PPFIBP2: variants seen among roughly 807,000 people sequenced by gnomAD.
PPFIBP2 encodes liprin-beta-2.
PPFIBP2 carries 118 observed loss-of-function variants against 118.3 expected under a neutral mutation model. The observed-to-expected ratio is 1.00, with a 90% CI of 0.86 to 1.16. The LOEUF is 1.16. Ranked by LOEUF, PPFIBP2 falls within the 50% of genes most tolerant of loss-of-function variation. The pLI is 0.00. For synonymous variants in PPFIBP2, 414 were observed against 397.4 expected (o/e 1.04, Z -0.50); for missense variants, 1,195 against 1,073.1 (o/e 1.11, Z -1.59).
intron 9 of PPFIBP2, among the ~76,000 whole-genome samples, chr11:7,628,965 C>A (rs910338032): frequency 6.6e-6 from 1 of 152,198 alleles, no homozygotes; most frequent in African/African-American, 2.4e-5. Context: ...TTGTCTATGA[C>A]CTGTGTGGTC....
chr11:7,653,139 T>C lies in PPFIBP2; in HGVS notation c.2552T>C (p.Val851Ala). 6 of 1,614,194 alleles carry C rather than the reference T, an allele frequency of 3.7e-6. No homozygotes were observed. Among genetic ancestry groups the C allele is most frequent in the Non-Finnish European group, 4.2e-6 (5 of 1,180,028 alleles). ...PSDGVSDSHR[V>A]YSGYRGLSPL... ...GACGGTGTCAGTGATAGTCACAGGG[T>C]CTACAGTGGCTACCGGGGCCTCAGC... is the stretch of plus-strand genomic sequence containing the variant. The change falls in exon 24 of 24, where the codon GTC (valine) becomes GCC (alanine). Residue 851 changes from valine to alanine, a missense_variant. Val to Ala is a moderately conservative substitution (Grantham distance 64). Coordinates refer to ENST00000299492, the MANE Select transcript of PPFIBP2 (RefSeq NM_003621.5).
At chr11:7,578,200 G>A (rs999434380) in intron 3 of PPFIBP2, among the ~76,000 whole-genome samples, 2 of 152,234 alleles carry the variant, frequency 1.3e-5, no homozygotes, top group South Asian at 2.1e-4. Flanking sequence ...AAACCTGAGT[G>A]TGTGGTATGA....
At chr11:7,568,102 C>A (rs1855216335) in intron 3 of PPFIBP2, among the ~76,000 whole-genome samples, 1 of 152,204 alleles carries the variant, frequency 6.6e-6, no homozygotes, top group South Asian at 2.1e-4. Flanking sequence ...TGGCATTGTT[C>A]ACACCTAGAA....
Position 7,529,219 on chromosome 11 carries a change from A to G in PPFIBP2, c.-37+15098A>G, listed in dbSNP as rs568805972. Among the ~76,000 whole-genome samples, 4 of 152,316 alleles carry G rather than the reference A, an allele frequency of 2.6e-5. No individual in the cohort carries two copies. The East Asian group carries it at 7.7e-4, about 29-fold the overall frequency. On this transcript the variant is annotated intron_variant, in intron 1 of 23. Transcript: ENST00000299492. ...ATAAGGTACACTGTGAGAACCCGTT[A>G]AAGGCTCTTCCAGGGTCACAAATCC... is the stretch of plus-strand genomic sequence containing the variant.
chr11:7,520,825 A>G (rs948593625), intron 1 of PPFIBP2, among the ~76,000 whole-genome samples: 4 of 152,248 alleles, frequency 2.6e-5, no homozygotes, highest in African/African-American at 7.2e-5. Flanking sequence ...TTTGGTTCCA[A>G]TGCTTGATGG....
At chr11:7,645,026 CAAAAAAAAAAAA>C (rs57087700) in intron 17 of PPFIBP2, among the ~76,000 whole-genome samples, 28 of 81,824 alleles carry the variant, frequency 3.4e-4, no homozygotes, top group East Asian at 2.4e-3. Flanking sequence ...GACTCCGTCT[CAAAAAAAAAAAA>C]AAAAAAAAAA....
chr11:7,535,369 C>T (rs968068819), intron 1 of PPFIBP2, among the ~76,000 whole-genome samples: 4 of 152,160 alleles, frequency 2.6e-5, no homozygotes, highest in South Asian at 4.1e-4. Flanking sequence ...TGCTCTCTTG[C>T]GGCTGGGGTA....
Position 7,653,416 on chromosome 11 carries a change from G to A in PPFIBP2, c.*198G>A, listed in dbSNP as rs1854357947. 2.7e-6 allele frequency: 4 copies of A among 1,496,080 alleles called. No homozygotes were observed. The South Asian group carries it at 3.9e-5, about 15-fold the overall frequency. The allele number at this position is 1,496,080 out of a possible 1,614,324, so 92.7% of individuals were successfully genotyped here. A position where few individuals can be genotyped will look rare whatever the true frequency, so the allele number is the denominator to read the frequency against. On this transcript the variant is annotated 3_prime_UTR_variant, in exon 24 of 24. Transcript: ENST00000299492. ...CTGCATCTCTAAGGGGCCAGGCTTT[G>A]GGGACCATTGCCAAAGGTGGACTCA... is the stretch of plus-strand genomic sequence containing the variant.
chr11:7,585,239 A>T (rs1419370753), intron 3 of PPFIBP2, among the ~76,000 whole-genome samples: 1 of 152,244 alleles, frequency 6.6e-6, no homozygotes, highest in Non-Finnish European at 1.5e-5. Flanking sequence ...AACTATTGAT[A>T]TCAAAAAAAG....
Position 7,616,480 on chromosome 11 carries a change from T to A in PPFIBP2, c.619-4455T>A, listed in dbSNP as rs1440924512. Among the ~76,000 whole-genome samples, 1 of 152,226 alleles carries A rather than the reference T, an allele frequency of 6.6e-6. No homozygotes were observed. On this transcript the variant is annotated intron_variant, in intron 6 of 23. Coordinates refer to ENST00000299492, the MANE Select transcript of PPFIBP2 (RefSeq NM_003621.5). This position sits in a 1 kb window ranked among gnomAD's most constrained non-coding sequence, Gnocchi z 5.2. The stretch of plus-strand genomic sequence containing the variant: ...GGAGTGAGTCTCGTCAGATTGGCCT[T>A]ATCGGTTTGGCCGGGAATGTGTCGT...
At chr11:7,666,396 A>G in the PPFIBP2 span, 8 of 1,136,868 alleles carry the variant, frequency 7.0e-6, no homozygotes, top group Non-Finnish European at 9.3e-6. Context: ...CCAGTCCTCA[A>G]AGTGGTCAAG....
chr11:7,545,474 A>G (rs1351294377), intron 1 of PPFIBP2, among the ~76,000 whole-genome samples: 2 of 152,158 alleles, frequency 1.3e-5, no homozygotes, highest in African/African-American at 4.8e-5. Context: ...ACATTCACAT[A>G]ATGTTTTTAC....
At chr11:7,608,328 A>G (rs1006002064) in intron 5 of PPFIBP2, among the ~76,000 whole-genome samples, 1 of 152,174 alleles carries the variant, frequency 6.6e-6, no homozygotes, top group African/African-American at 2.4e-5. Context: ...TCTGGAGTCA[A>G]ACAGACTTTT....
chr11:7,527,899 A>G (rs1210338544), intron 1 of PPFIBP2, among the ~76,000 whole-genome samples: 2 of 152,224 alleles, frequency 1.3e-5, no homozygotes, highest in Non-Finnish European at 2.9e-5. Flanking sequence ...ATTACCGTCT[A>G]TGAAGTACCC....
chr11:7,617,448 G>A (rs1176922337), intron 6 of PPFIBP2, among the ~76,000 whole-genome samples: 1 of 152,136 alleles, frequency 6.6e-6, no homozygotes, highest in Non-Finnish European at 1.5e-5. Flanking sequence ...CAATCCTCTT[G>A]GGATGTGAGG....
chr11:7,606,140 C>CG (rs1221331490), intron 5 of PPFIBP2: 6 of 1,143,690 alleles, frequency 5.2e-6, no homozygotes, highest in African/African-American at 4.8e-5. Context: ...TGCAGATGGT[C>CG]GGGGGGCAAA....
chr11:7,629,147 A>G (rs1850418991), intron 9 of PPFIBP2, among the ~76,000 whole-genome samples: 1 of 152,234 alleles, frequency 6.6e-6, no homozygotes, highest in Admixed American at 6.5e-5. Flanking sequence ...CACTAGGACC[A>G]GAAGGCAGAT....
chr11:7,642,364 TG>T lies in PPFIBP2; in HGVS notation c.1587del (p.Leu530SerfsTer47). The T allele has an allele frequency of 6.2e-7, 1 of 1,614,112 alleles. No individual in the cohort carries two copies. Among genetic ancestry groups the T allele is most frequent in the Non-Finnish European group, 8.5e-7 (1 of 1,180,008 alleles). ...TGGGGATGGCAGAGTTTCGACGAGGTGGGCTCCGGGCAACCGCAGGGCCAAG... is the reference window on the plus strand; with the variant it reads ...TGGGGATGGCAGAGTTTCGACGAGGTGGCTCCGGGCAACCGCAGGGCCAAG... ...TLGMAEFRRG[G>X]LRATAGPRLS... On this transcript the variant is annotated frameshift_variant, in exon 17 of 24. Coordinates refer to ENST00000299492, the MANE Select transcript of PPFIBP2 (RefSeq NM_003621.5). LOFTEE classifies it high-confidence loss of function.
rs377550838 is a variant in PPFIBP2, at chr11:7,623,719, A to G, written c.712-2058A>G. 2.2e-4 allele frequency among the ~76,000 whole-genome samples: 34 copies of G among 152,360 alleles called. No homozygotes were observed. The South Asian group carries it at 6.6e-3, about 30-fold the overall frequency. On this transcript the variant is annotated intron_variant, in intron 7 of 23. Coordinates refer to ENST00000299492, the MANE Select transcript of PPFIBP2 (RefSeq NM_003621.5). ...ACAAGCATCAGGTATCCAGATTTCT[A>G]ACAGAGACGAGTGCCCATCCTGTCC...
Sources: gnomAD v4.1 joint callset for allele counts (sites outside exome capture counted in the v4.1 genomes callset) on GRCh38, gnomAD v4.1.1 for gene constraint, Gnocchi (gnomAD v3.1) non-coding constraint, MANE v1.5 for transcripts, NCBI Gene and HGNC (gene_info 2026-07-23, HGNC 2026-07-21) for gene names.